The following GOLGA4 variants were observed in gnomAD, a reference collection of about 807,000 sequenced individuals.
GOLGA4 encodes golgin A4.
In GOLGA4, 169 loss-of-function variants were observed where a neutral mutation model predicts 265.9. The observed-to-expected ratio is 0.64, with a 90% CI of 0.56 to 0.72. The LOEUF is 0.72. Among genes scored for constraint, GOLGA4 ranks in the 30% least tolerant of loss-of-function variants. The pLI, the probability that GOLGA4 is intolerant of heterozygous loss-of-function variation, is 0.00. For missense variants in GOLGA4, 2,482 were observed against 2,483.4 expected, an observed-to-expected ratio of 1.00 and a Z score of 0.01; for synonymous variants, 923 against 855.8, an observed-to-expected ratio of 1.08 and a Z score of -1.37.
intron 3 of GOLGA4, among the ~76,000 whole-genome samples, chr3:37,285,000 A>C (rs2096844632): frequency 6.6e-6 from 1 of 152,058 alleles, no homozygotes; most frequent in Non-Finnish European, 1.5e-5. Flanking sequence ...GGATATCACT[A>C]GTGGCATTTG....
At chr3:37,247,917 T>C (rs767138365) in intron 1 of GOLGA4, among the ~76,000 whole-genome samples, 2 of 152,228 alleles carry the variant, frequency 1.3e-5, no homozygotes, top group Non-Finnish European at 2.9e-5. Flanking sequence ...CTCTGCCCTC[T>C]AGACCCATAT....
intron 2 of GOLGA4, among the ~76,000 whole-genome samples, chr3:37,268,336 A>T (rs1193935527): frequency 6.6e-6 from 1 of 152,080 alleles, no homozygotes; most frequent in Non-Finnish European, 1.5e-5. Flanking sequence ...CTCTTGCCTC[A>T]GCCTCACAAA....
intron 22 of GOLGA4, among the ~76,000 whole-genome samples, chr3:37,356,607 G>A (rs2097091626): frequency 6.6e-6 from 1 of 151,960 alleles, no homozygotes; most frequent in East Asian, 1.9e-4. Context: ...AGAGAATGTT[G>A]TTTTAAATTA....
chr3:37,296,177 T>C lies in GOLGA4; in HGVS notation c.772T>C (p.Phe258Leu), dbSNP rs886418612. 1.2e-6 allele frequency: 2 copies of C among 1,613,724 alleles called. No individual in the cohort carries two copies. The highest frequency in any genetic ancestry group is 2.7e-5 in the African/African-American group (2 of 74,910). Residue 258 changes from phenylalanine (F) to leucine (L), a missense_variant, in exon 7 of 24, where the codon TTC becomes CTC. Phe to Leu is a conservative substitution (Grantham distance 22). Coordinates refer to ENST00000361924, the MANE Select transcript of GOLGA4 (RefSeq NM_002078.5). Reference sequence around the variant, plus strand: ...TCAGCTGGAACCACAGGCTGAAGTCTTCACTAAAGAAGAGAATCCAGAAAG... The same window carrying C: ...TCAGCTGGAACCACAGGCTGAAGTCCTCACTAAAGAAGAGAATCCAGAAAG... ...LPQLEPQAEVFTKEENPESDG... is the reference protein window; with the variant it reads ...LPQLEPQAEVLTKEENPESDG...
At chr3:37,304,170 A>C (rs1202688483) in intron 10 of GOLGA4, among the ~76,000 whole-genome samples, 7 of 152,194 alleles carry the variant, frequency 4.6e-5, no homozygotes, top group African/African-American at 1.7e-4. Context: ...GAAATGGAGA[A>C]GGTAAGATGA....
chr3:37,293,776 A>G (rs904103954), intron 5 of GOLGA4, among the ~76,000 whole-genome samples: 4 of 152,224 alleles, frequency 2.6e-5, no homozygotes, highest in Non-Finnish European at 4.4e-5. Flanking sequence ...AGCTGAGAAA[A>G]GCTTCCATAG....
At chr3:37,328,300 T>A in intron 14 of GOLGA4, 116 bp from the exon 15 acceptor site, 1 of 842,784 alleles carries the variant, frequency 1.2e-6, no homozygotes. Context: ...TCTCTCTCTC[T>A]CAAAAATGTT....
chr3:37,364,229 T>A (rs1696569522), intron 23 of GOLGA4, among the ~76,000 whole-genome samples: 1 of 152,054 alleles, frequency 6.6e-6, no homozygotes, highest in African/African-American at 2.4e-5. Flanking sequence ...GTTTTAGCAT[T>A]TTCTTTTCCT....
chr3:37,340,514 A>G (rs981962789), intron 20 of GOLGA4, among the ~76,000 whole-genome samples: 3 of 152,180 alleles, frequency 2.0e-5, no homozygotes, highest in African/African-American at 7.2e-5. Flanking sequence ...GTGGGGAATA[A>G]TACAATACAT....
At chr3:37,306,204 T>C (rs1349320382) in intron 10 of GOLGA4, among the ~76,000 whole-genome samples, 3 of 152,234 alleles carry the variant, frequency 2.0e-5, no homozygotes, top group African/African-American at 4.8e-5. Context: ...TTTTGACGTA[T>C]GAGAGCATAG....
At chr3:37,275,730 A>G in intron 2 of GOLGA4, 12 of 1,612,682 alleles carry the variant, frequency 7.4e-6, no homozygotes, top group Admixed American at 1.7e-5. Flanking sequence ...AAGAAGATGG[A>G]CAAGATGGTG....
chr3:37,361,168 A>G (rs1021096143), intron 22 of GOLGA4, 75 bp from the exon 23 acceptor site: 3 of 1,089,816 alleles, frequency 2.8e-6, no homozygotes, highest in African/African-American at 1.5e-5. Context: ...TGAACTTCAT[A>G]TACACATACA....
At chr3:37,270,307 G>A (rs1401716733) in intron 2 of GOLGA4, among the ~76,000 whole-genome samples, 1 of 148,664 alleles carries the variant, frequency 6.7e-6, no homozygotes, top group African/African-American at 2.5e-5. Context: ...CAGGATTAAA[G>A]CGATTCTCCT....
intron 23 of GOLGA4, 47 bp from the exon 24 acceptor site, chr3:37,366,033 A>AT (rs1456628331): frequency 4.7e-6 from 7 of 1,488,264 alleles, no homozygotes; most frequent in Non-Finnish European, 6.3e-6. Context: ...AATGTTTTGG[A>AT]TTTTTTTGCC....
rs763272448 is a variant in GOLGA4, at chr3:37,269,885, C to CTTT, written c.163-12049_163-12047dup. On this transcript the variant is annotated intron_variant, in intron 2 of 23. Transcript: ENST00000361924. ...GATATTTCAAACAATTGTAGGGTAG[C>CTTT]TTTTTTTTTTTTTTTTTTTTTTTTT... Among the ~76,000 whole-genome samples, 22 of 79,030 alleles carry CTTT rather than the reference C, an allele frequency of 2.8e-4. 1 individual carries two copies. Among genetic ancestry groups the CTTT allele is most frequent in the African/African-American group, 7.0e-4 (13 of 18,500 alleles). The allele number at this position is 79,030 out of a possible 152,430, so 51.8% of individuals were successfully genotyped here.
intron 1 of GOLGA4, among the ~76,000 whole-genome samples, chr3:37,244,880 GTTAA>G (rs2096714808): frequency 6.6e-6 from 1 of 152,154 alleles, no homozygotes; most frequent in Admixed American, 6.5e-5. Context: ...ACAAAACACT[GTTAA>G]TTAAGAAACA....
rs2096862318 is a variant in GOLGA4 at position 37,290,681 on chromosome 3, G to A, written c.582+1390G>A. On this transcript the variant is annotated intron_variant, in intron 5 of 23. Transcript: ENST00000361924. The stretch of plus-strand genomic sequence containing the variant: ...TACCCACTTTGGAAGTTATAGAGAA[G>A]GAACAAAACCTTAACTCCTGGTCTG... 2.0e-5 allele frequency among the ~76,000 whole-genome samples: 3 copies of A among 152,124 alleles called. No individual in the cohort carries two copies. In the South Asian group the frequency reaches 6.2e-4, roughly 32 times the overall value.
At chr3:37,299,248 C>T in intron 8 of GOLGA4, 40 bp from the exon 9 acceptor site, 2 of 1,275,906 alleles carry the variant, frequency 1.6e-6, no homozygotes, top group South Asian at 1.2e-5. Flanking sequence ...TGAGAAGAAG[C>T]TTTATTAGAG....
chr3:37,340,893 C>T (rs1406912487), intron 20 of GOLGA4, among the ~76,000 whole-genome samples: 7 of 152,172 alleles, frequency 4.6e-5, no homozygotes, highest in African/African-American at 1.4e-4. Flanking sequence ...ACCTGGCGGG[C>T]GTGGTGGCTC....
Sources: gnomAD v4.1 joint callset for allele counts (sites outside exome capture counted in the v4.1 genomes callset) on GRCh38, gnomAD v4.1.1 for gene constraint, MANE v1.5 for transcripts, NCBI Gene and HGNC (gene_info 2026-07-23, HGNC 2026-07-21) for gene names.